FAM135A: variants seen among roughly 807,000 people sequenced by gnomAD.
The protein encoded by FAM135A is family with sequence similarity 135 member A, also known as protein FAM135A.
Under a neutral mutation model 146.8 loss-of-function variants are expected in FAM135A, and 79 were observed. The observed-to-expected ratio is 0.54, with a 90% CI of 0.45 to 0.65. FAM135A has a LOEUF of 0.65. Ranked by LOEUF, FAM135A falls within the 30% of genes least tolerant of loss-of-function variation. The probability of loss-of-function intolerance (pLI) is 0.00; values close to 1 mark genes in which losing one functional copy is unlikely to be tolerated. For synonymous variants in FAM135A, 562 were observed against 603.6 expected, an observed-to-expected ratio of 0.93 and a Z score of 1.01; for missense variants, 1,623 against 1,758.2, an observed-to-expected ratio of 0.92 and a Z score of 1.38.
At position 70,525,776 on chromosome 6, in the gene FAM135A, G is replaced by C; in HGVS notation, c.2692G>C (p.Val898Leu). 6.2e-7 allele frequency: 1 copy of C among 1,613,324 alleles called. No individual in the cohort carries two copies. Among genetic ancestry groups the C allele is most frequent in the Non-Finnish European group, 8.5e-7 (1 of 1,179,594 alleles). The change falls in exon 15 of 22, where the codon GTA becomes CTA. Residue 898 changes from valine (V) to leucine (L), a missense_variant. By Grantham distance (32) the Val-to-Leu change is conservative. Coordinates refer to ENST00000418814, the MANE Select transcript of FAM135A (RefSeq NM_001162529.3). Reference protein sequence around the residue: ...SSITLQQQSVVFSGNLDNETV... With the variant: ...SSITLQQQSVLFSGNLDNETV... Reference sequence around the variant, plus strand: ...TATCACTTTGCAACAGCAGAGTGTTGTATTTTCAGGGAACTTGGACAATGA... The same window carrying C: ...TATCACTTTGCAACAGCAGAGTGTTCTATTTTCAGGGAACTTGGACAATGA...
At chr6:70,552,480 T>C (rs1326408834) in intron 20 of FAM135A, among the ~76,000 whole-genome samples, 1 of 148,270 alleles carries the variant, frequency 6.7e-6, no homozygotes, top group African/African-American at 2.5e-5. Flanking sequence ...TTTTTTTTTT[T>C]TTTTTTGAGA....
At chr6:70,459,307 CTG>C (rs1778965972) in intron 5 of FAM135A, among the ~76,000 whole-genome samples, 1 of 152,134 alleles carries the variant, frequency 6.6e-6, no homozygotes, top group African/African-American at 2.4e-5. Context: ...TGATTTCTGT[CTG>C]TGAGTTACAG....
At chr6:70,515,799 G>A (rs1259459075) in intron 12 of FAM135A, among the ~76,000 whole-genome samples, 1 of 152,068 alleles carries the variant, frequency 6.6e-6, no homozygotes, top group African/African-American at 2.4e-5. Flanking sequence ...TGAAACAAAT[G>A]TACCACAGTA....
At chr6:70,481,858 C>A in intron 9 of FAM135A, 143 bp from the exon 10 acceptor site, 1 of 788,116 alleles carries the variant, frequency 1.3e-6, no homozygotes, top group Non-Finnish European at 1.9e-6. Flanking sequence ...ATAAACAACT[C>A]TCAAATATTA....
chr6:70,442,708 G>A (rs35462174), intron 4 of FAM135A, among the ~76,000 whole-genome samples: 20,975 of 151,310 alleles, frequency 0.14, 1,856 homozygotes, highest in Middle Eastern at 0.22. Flanking sequence ...ATTAACATTC[G>A]GGTGGTAACA....
At chr6:70,487,799 A>T (rs1425445861) in intron 10 of FAM135A, among the ~76,000 whole-genome samples, 1 of 152,210 alleles carries the variant, frequency 6.6e-6, no homozygotes, top group Non-Finnish European at 1.5e-5. Context: ...ATCAGTTTAC[A>T]TGTGAGCATT....
chr6:70,414,979 A>T (rs1481063722), intron 1 of FAM135A, among the ~76,000 whole-genome samples: 2 of 152,208 alleles, frequency 1.3e-5, no homozygotes, highest in Non-Finnish European at 2.9e-5. Flanking sequence ...ATGTATTATT[A>T]ATTTGTTTTA....
Position 70,528,356 on chromosome 6 carries a change from CCT to C in FAM135A, c.3682_3683del (p.Leu1228AlafsTer9). On this transcript the variant is annotated frameshift_variant, in exon 16 of 22. Transcript: ENST00000418814. LOFTEE classifies it high-confidence loss of function. ...KLPGFMYSEVPLLASSVPYFS... is the reference protein window; with the variant it reads ...KLPGFMYSEVXLLASSVPYFS... Reference sequence around the variant, plus strand: ...TCCTGGGTTCATGTACAGTGAAGTTCCTCTGCTGGCATCCTCAGTACCTTATT... The same window carrying C: ...TCCTGGGTTCATGTACAGTGAAGTTCCTGCTGGCATCCTCAGTACCTTATT... The C allele has an allele frequency of 6.2e-7, 1 of 1,613,702 alleles. No homozygotes were observed. The highest frequency in any genetic ancestry group is 8.5e-7 in the Non-Finnish European group (1 of 1,179,792).
At chr6:70,454,933 G>A in intron 5 of FAM135A, among the ~76,000 whole-genome samples, 1 of 152,114 alleles carries the variant, frequency 6.6e-6, no homozygotes. Flanking sequence ...GGTTCCATAT[G>A]AATTTTAAAG....
intron 12 of FAM135A, among the ~76,000 whole-genome samples, chr6:70,508,374 CA>C (rs1324152152): frequency 6.6e-6 from 1 of 152,152 alleles, no homozygotes; most frequent in East Asian, 1.9e-4. Flanking sequence ...AACTTGCTTT[CA>C]TTGCAGTTTA....
At chr6:70,477,092 C>CT (rs1782754971) in intron 7 of FAM135A, 67 bp from the exon 8 acceptor site, 1 of 1,412,634 alleles carries the variant, frequency 7.1e-7, no homozygotes, top group East Asian at 2.5e-5. Context: ...ATAGTTTCAA[C>CT]TACTTTATAA....
At chr6:70,484,509 T>C (rs1784264420) in intron 10 of FAM135A, among the ~76,000 whole-genome samples, 1 of 152,196 alleles carries the variant, frequency 6.6e-6, no homozygotes, top group African/African-American at 2.4e-5. Flanking sequence ...TCCCCAACTT[T>C]TTTGGCACCA....
At chr6:70,438,440 A>G (rs904234514) in intron 4 of FAM135A, among the ~76,000 whole-genome samples, 2 of 152,198 alleles carry the variant, frequency 1.3e-5, no homozygotes, top group Non-Finnish European at 2.9e-5. Context: ...GCAGGATGAA[A>G]TCGTGCACGT....
chr6:70,490,942 C>A (rs1785772467), intron 10 of FAM135A, 92 bp from the exon 11 acceptor site: 2 of 829,974 alleles, frequency 2.4e-6, no homozygotes, highest in East Asian at 5.8e-5. Context: ...CAGTCCAGAT[C>A]ATTCTTAATT....
At chr6:70,481,682 T>C (rs1472476145) in intron 9 of FAM135A, among the ~76,000 whole-genome samples, 10 of 151,164 alleles carry the variant, frequency 6.6e-5, no homozygotes, top group Admixed American at 6.6e-4. Context: ...AGTACAGCTA[T>C]TATTATAAAA....
At chr6:70,479,262 G>A (rs188549789) in intron 8 of FAM135A, among the ~76,000 whole-genome samples, 89 of 152,194 alleles carry the variant, frequency 5.8e-4, no homozygotes, top group Admixed American at 1.7e-3. Context: ...AGTTAAATAC[G>A]TGCTTCCTCT....
chr6:70,487,079 A>G lies in FAM135A; in HGVS notation c.824-3955A>G, dbSNP rs532502290. On this transcript the variant is annotated intron_variant, in intron 10 of 21. Transcript: ENST00000418814. ...GCCTGGGCAAGAGAGTCGGACTCCC[A>G]TCTCAAAAAAAAAAAAAAAAAAAAA... 3.0e-3 allele frequency among the ~76,000 whole-genome samples: 353 copies of G among 117,696 alleles called. 2 individuals are homozygous for G. The highest frequency in any genetic ancestry group is 0.011 in the African/African-American group (313 of 27,610). The allele number at this position is 117,696 out of a possible 152,430, so 77.2% of individuals were successfully genotyped here.
At chr6:70,493,470 G>A (rs1232029899) in intron 11 of FAM135A, among the ~76,000 whole-genome samples, 1 of 152,038 alleles carries the variant, frequency 6.6e-6, no homozygotes, top group Non-Finnish European at 1.5e-5. Flanking sequence ...TTAAATTTCA[G>A]TATGTAAATG....
chr6:70,475,659 T>C lies in FAM135A; in HGVS notation c.298-4T>C. 6.2e-7 allele frequency: 1 copy of C among 1,607,796 alleles called. No homozygotes were observed. Among genetic ancestry groups the C allele is most frequent in the Non-Finnish European group, 8.5e-7 (1 of 1,177,290 alleles). On this transcript the variant is annotated splice_region_variant and splice_polypyrimidine_tract_variant and intron_variant, in intron 6 of 21. Coordinates refer to ENST00000418814, the MANE Select transcript of FAM135A (RefSeq NM_001162529.3). ...AAGTATCTCATAGTGTAATTTCTTT[T>C]CAGATTGAAGAAACCCTTGAGGAAA...
Sources: allele counts gnomAD v4.1 joint callset (sites outside exome capture counted in the v4.1 genomes callset), GRCh38; gene constraint gnomAD v4.1.1; transcripts MANE v1.5; gene names NCBI Gene and HGNC (gene_info 2026-07-23, HGNC 2026-07-21).